ROBO2: variants seen among roughly 807,000 people sequenced by gnomAD.
The protein encoded by ROBO2 is roundabout guidance receptor 2, also known as roundabout homolog 2.
A neutral mutation model predicts 160.8 loss-of-function variants in ROBO2; 53 were observed. The observed-to-expected ratio is 0.33, with a 90% confidence interval of 0.26 to 0.41. The LOEUF (loss-of-function observed/expected upper bound fraction) is 0.41. Among genes scored for constraint, ROBO2 ranks in the 10% least tolerant of loss-of-function variants. The probability of loss-of-function intolerance (pLI) is 1.00; values close to 1 mark genes in which losing one functional copy is unlikely to be tolerated. For synonymous variants in ROBO2, 664 were observed against 611.7 expected, an observed-to-expected ratio of 1.09 and a Z score of -1.26; for missense variants, 1,577 against 1,722.4, an observed-to-expected ratio of 0.92 and a Z score of 1.49.
chr3:76,238,946 G>A (rs1705125764), intron 2 of ROBO2, among the ~76,000 whole-genome samples: 1 of 152,168 alleles, frequency 6.6e-6, no homozygotes, highest in Non-Finnish European at 1.5e-5. Flanking sequence ...CCAATGAGAA[G>A]CCTTTTGTAA....
intron 2 of ROBO2, among the ~76,000 whole-genome samples, chr3:76,683,131 C>A (rs2092605943): frequency 2.0e-5 from 3 of 151,988 alleles, no homozygotes; most frequent in Admixed American, 6.6e-5. Context: ...GGAAAAGGAG[C>A]AACAGAGTAA....
At chr3:76,990,748 G>A (rs2060619705) in intron 2 of ROBO2, among the ~76,000 whole-genome samples, 1 of 152,190 alleles carries the variant, frequency 6.6e-6, no homozygotes, top group Admixed American at 6.5e-5. Context: ...GCAGCTTCCT[G>A]ATGAGATCTC....
intron 13 of ROBO2, among the ~76,000 whole-genome samples, chr3:77,572,299 T>G (rs943448341): frequency 2.0e-5 from 3 of 152,052 alleles, no homozygotes; most frequent in African/African-American, 4.8e-5. Context: ...TGCAAGGGTT[T>G]TTTTGAACAC....
intron 1 of ROBO2, among the ~76,000 whole-genome samples, chr3:77,064,290 G>C (rs1337229068): frequency 6.6e-6 from 1 of 151,338 alleles, no homozygotes; most frequent in Non-Finnish European, 1.5e-5. Flanking sequence ...AAAATGAGTA[G>C]TGAAATATAT....
chr3:76,549,880 C>T (rs983233891), intron 2 of ROBO2, among the ~76,000 whole-genome samples: 1 of 152,196 alleles, frequency 6.6e-6, no homozygotes, highest in African/African-American at 2.4e-5. Context: ...TCATCTCAAG[C>T]TTCCTATGTG....
intron 13 of ROBO2, among the ~76,000 whole-genome samples, chr3:77,568,741 C>A (rs1190037490): frequency 6.6e-6 from 1 of 151,934 alleles, no homozygotes; most frequent in Admixed American, 6.6e-5. Flanking sequence ...TCTAAATTAT[C>A]ACCAAAATCT....
At chr3:77,162,804 A>T (rs187783524) in intron 2 of ROBO2, among the ~76,000 whole-genome samples, 2 of 152,088 alleles carry the variant, frequency 1.3e-5, no homozygotes, top group African/African-American at 2.4e-5. Context: ...GCAGTTTAGC[A>T]TTTAGCAATG....
At chr3:76,683,734 GAAAGCCTTT>G (rs1375518403) in intron 2 of ROBO2, among the ~76,000 whole-genome samples, 2 of 152,060 alleles carry the variant, frequency 1.3e-5, no homozygotes, top group Non-Finnish European at 2.9e-5. Flanking sequence ...CAATGGTTGT[GAAAGCCTTT>G]TCACAAACTA....
chr3:76,463,265 G>C (rs955532630), intron 2 of ROBO2, among the ~76,000 whole-genome samples: 3 of 151,996 alleles, frequency 2.0e-5, no homozygotes, highest in Non-Finnish European at 4.4e-5. Context: ...TTTGAATCTT[G>C]TATGAGGTCA....
At chr3:77,360,493 G>A (rs2069802140) in intron 2 of ROBO2, among the ~76,000 whole-genome samples, 1 of 152,030 alleles carries the variant, frequency 6.6e-6, no homozygotes, top group Non-Finnish European at 1.5e-5. Context: ...TGCTATAACT[G>A]TCACCTTGGG....
chr3:76,706,570 T>G (rs953119116), intron 2 of ROBO2, among the ~76,000 whole-genome samples: 2 of 152,050 alleles, frequency 1.3e-5, no homozygotes, highest in African/African-American at 4.8e-5. Flanking sequence ...CTAAATAAAT[T>G]TAGTATAAAT....
intron 2 of ROBO2, among the ~76,000 whole-genome samples, chr3:76,962,679 C>T (rs1342738130): frequency 2.0e-5 from 3 of 148,424 alleles, no homozygotes; most frequent in Admixed American, 6.8e-5. Flanking sequence ...TGGTGACATG[C>T]ACCTGTGGTA....
chr3:76,247,194 C>A (rs1263439882), intron 2 of ROBO2, among the ~76,000 whole-genome samples: 1 of 152,094 alleles, frequency 6.6e-6, no homozygotes, highest in African/African-American at 2.4e-5. Flanking sequence ...TACGTGTGTT[C>A]AATCTGTTAC....
chr3:77,260,401 TA>T (rs971255474), intron 2 of ROBO2, among the ~76,000 whole-genome samples: 1 of 152,078 alleles, frequency 6.6e-6, no homozygotes, highest in Non-Finnish European at 1.5e-5. Context: ...TAGGGAAACT[TA>T]AAAAAATAGT....
intron 2 of ROBO2, among the ~76,000 whole-genome samples, chr3:76,385,799 T>C (rs2076855362): frequency 6.6e-6 from 1 of 152,138 alleles, no homozygotes; most frequent in Non-Finnish European, 1.5e-5. Flanking sequence ...AAAAGACTGA[T>C]TTAAGTGGAG....
At chr3:77,459,949 T>TG (rs34899612) in intron 2 of ROBO2, among the ~76,000 whole-genome samples, 53,283 of 132,394 alleles carry the variant, frequency 0.4, 10,673 homozygotes, top group East Asian at 0.46. Context: ...GTGGAGTGGG[T>TG]GGGGGGGTCC....
intron 2 of ROBO2, among the ~76,000 whole-genome samples, chr3:76,092,616 C>A (rs2069280487): frequency 6.6e-6 from 1 of 152,164 alleles, no homozygotes; most frequent in Admixed American, 6.5e-5. Flanking sequence ...GGTGTTCTAG[C>A]AAGACTCATA....
intron 2 of ROBO2, among the ~76,000 whole-genome samples, chr3:76,932,074 A>G (rs2077381524): frequency 6.6e-6 from 1 of 152,174 alleles, no homozygotes; most frequent in Non-Finnish European, 1.5e-5. Context: ...ATGATTCTAA[A>G]TATCAAGTCA....
At chr3:75,971,053 A>G (rs2064977543) in intron 2 of ROBO2, among the ~76,000 whole-genome samples, 1 of 150,602 alleles carries the variant, frequency 6.6e-6, no homozygotes, top group Admixed American at 6.7e-5. Flanking sequence ...TCTTAAAATA[A>G]AAAAAAAATT....
Sources: allele counts gnomAD v4.1 joint callset (sites outside exome capture counted in the v4.1 genomes callset), GRCh38; gene constraint gnomAD v4.1.1; transcripts MANE v1.5; gene names NCBI Gene and HGNC (gene_info 2026-07-23, HGNC 2026-07-21).